Variants in SACS observed in about 807,000 individuals in gnomAD.
SACS encodes sacsin.
In SACS, 197 loss-of-function variants were observed where a neutral mutation model predicts 348.0. The observed-to-expected ratio is 0.57, with a 90% CI of 0.50 to 0.64. The LOEUF is 0.64. Ranked by LOEUF, SACS falls within the 30% of genes least tolerant of loss-of-function variation. The probability of loss-of-function intolerance (pLI) is 0.00; values close to 1 mark genes in which losing one functional copy is unlikely to be tolerated. For missense variants in SACS, 4,999 were observed against 5,360.8 expected (o/e 0.93, Z 2.11); for synonymous variants, 1,985 against 1,910.6 (o/e 1.04, Z -1.02).
At chr13:23,427,465 T>G (rs7998371) in intron 1 of SACS, 1 of 152,216 alleles carries the variant, frequency 6.6e-6, no homozygotes, top group Non-Finnish European at 1.5e-5. Context: ...TTTTGGCATA[T>G]GGGCTTGACC....
chr13:23,422,864 A>G (rs1457850232), intron 1 of SACS, among the ~76,000 whole-genome samples: 1 of 152,162 alleles, frequency 6.6e-6, no homozygotes, highest in Non-Finnish European at 1.5e-5. Flanking sequence ...AACCAATGAC[A>G]TTTCAGACAT....
intron 1 of SACS, among the ~76,000 whole-genome samples, chr13:23,424,757 A>T (rs1874100348): frequency 6.6e-6 from 1 of 152,186 alleles, no homozygotes; most frequent in Non-Finnish European, 1.5e-5. Context: ...AACGTCCAGT[A>T]CTAATAACGA....
intron 7 of SACS, among the ~76,000 whole-genome samples, chr13:23,356,950 T>C (rs1488292609): frequency 3.3e-5 from 5 of 152,274 alleles, no homozygotes; most frequent in Admixed American, 3.3e-4. Flanking sequence ...GACAGTGGGG[T>C]CTAGGGAATG....
At position 23,353,794 on chromosome 13, in the gene SACS, G is replaced by T. The variant is rs1289055030; in HGVS notation, c.2176C>A (p.Gln726Lys). 6.9e-6 allele frequency: 11 copies of T among 1,583,118 alleles called. No individual in the cohort carries two copies. In the African/African-American group the frequency reaches 1.5e-4, roughly 21 times the overall value. Residue 726 changes from glutamine (Q) to lysine (K), a missense_variant, in exon 9 of 10, where the codon CAA (glutamine) becomes AAA (lysine). Physicochemically the swap from Gln to Lys is moderately conservative, Grantham distance 53 (BLOSUM62 1). Transcript: ENST00000382292. ...TACTAAACTATAATACCTCGGGTTT[G>T]GGCAGCTTCCTTTAAAGCAGCCACA... The part of the protein sequence containing the change: ...HLVAALKEAA[Q>K]TRGRPCTQLQ...
Position 23,367,472 on chromosome 13 carries a change from A to G in SACS, c.345+930T>C, listed in dbSNP as rs566720293. ...AACAAGCTAATGGGAAGGAAAATGC[A>G]TAACAACTGGTCTACTTTGACAATT... On this transcript the variant is annotated intron_variant, in intron 5 of 9. Transcript: ENST00000382292. Among the ~76,000 whole-genome samples, 19 of 152,374 alleles carry G rather than the reference A, an allele frequency of 1.2e-4. No individual in the cohort carries two copies. In the East Asian group the frequency reaches 2.3e-3, roughly 19 times the overall value.
intron 2 of SACS, among the ~76,000 whole-genome samples, chr13:23,409,369 T>G (rs1367381885): frequency 6.8e-6 from 1 of 146,408 alleles, no homozygotes; most frequent in Non-Finnish European, 1.5e-5. Flanking sequence ...TTTTTTTTTT[T>G]TTTTTAAACA....
chr13:23,362,745 A>C, intron 6 of SACS, among the ~76,000 whole-genome samples: 1 of 149,428 alleles, frequency 6.7e-6, no homozygotes, highest in East Asian at 2.0e-4. Context: ...ATCACCACGC[A>C]CGGCTAATTT....
intron 2 of SACS, among the ~76,000 whole-genome samples, chr13:23,397,162 T>A (rs2137915232): frequency 6.6e-6 from 1 of 151,756 alleles, no homozygotes; most frequent in East Asian, 1.9e-4. Flanking sequence ...TAAAAAAAGG[T>A]TGGTAATGGT....
rs1417936142 is a variant in SACS at position 23,340,615 on chromosome 13, T to G, written c.3261A>C (p.Leu1087Phe). The change falls in exon 10 of 10, where the codon TTA becomes TTC. Residue 1087 changes from leucine to phenylalanine, a missense_variant. Coordinates refer to ENST00000382292, the MANE Select transcript of SACS (RefSeq NM_014363.6). ...VFTSPDILHS[L>F]RQIGLKNEAS... ...CTTCGTTTTTTAAACCAATCTGTCT[T>G]AAGGAGTGAAGAATATCTGGTGAGG... 5.0e-6 allele frequency: 8 copies of G among 1,611,552 alleles called. No homozygotes were observed. The highest frequency in any genetic ancestry group is 6.8e-6 in the Non-Finnish European group (8 of 1,179,502).
chr13:23,414,601 A>G (rs1420129500), intron 1 of SACS, among the ~76,000 whole-genome samples: 2 of 152,354 alleles, frequency 1.3e-5, no homozygotes, highest in Admixed American at 1.3e-4. Flanking sequence ...AATTAACTTC[A>G]TATCACCAGG....
chr13:23,373,797 C>CAA (rs35129279), intron 3 of SACS: 11,332 of 120,848 alleles, frequency 0.094, 802 homozygotes, highest in African/African-American at 0.17. Context: ...CTCCGTCTCA[C>CAA]AAAAAAAAAA....
chr13:23,343,919 T>TC (rs1311490240), intron 9 of SACS, among the ~76,000 whole-genome samples: 69 of 152,302 alleles, frequency 4.5e-4, no homozygotes, highest in East Asian at 3.9e-4. Context: ...AGGGCACACT[T>TC]TTGCAACTTT....
rs1332735059 is a variant in SACS at position 23,338,842 on chromosome 13, G to A, written c.5034C>T (p.Leu1678=). Residue 1678 remains leucine, a synonymous_variant, in exon 10 of 10, where the codon CTC becomes CTT. Coordinates refer to ENST00000382292, the MANE Select transcript of SACS (RefSeq NM_014363.6). ...TGAAAATGATAAGCCTGTGTCCACA[G>A]AGACTAAATTCATCCACAAGAGAAT... ...DIYSLVDEFS[L]CGHRLIIFTQ... The A allele has an allele frequency of 1.2e-6, 2 of 1,612,740 alleles. No individual in the cohort carries two copies. The highest frequency in any genetic ancestry group is 1.3e-5 in the African/African-American group (1 of 74,908).
At chr13:23,408,531 C>T (rs1211398806) in intron 2 of SACS, among the ~76,000 whole-genome samples, 2 of 152,206 alleles carry the variant, frequency 1.3e-5, no homozygotes, top group Non-Finnish European at 2.9e-5. Flanking sequence ...AATTTAACTG[C>T]TTTTCCCACA....
intron 2 of SACS, among the ~76,000 whole-genome samples, chr13:23,403,101 C>T (rs1873052847): frequency 6.6e-6 from 1 of 151,138 alleles, no homozygotes; most frequent in African/African-American, 2.4e-5. Flanking sequence ...TCGCTTGAAC[C>T]CAGAAGGTGG....
chr13:23,376,589 G>C (rs1871816572), intron 2 of SACS, among the ~76,000 whole-genome samples: 1 of 152,148 alleles, frequency 6.6e-6, no homozygotes, highest in Non-Finnish European at 1.5e-5. Context: ...AGTAAATACA[G>C]AGAATGTTCT....
chr13:23,404,328 A>G (rs959058403), intron 2 of SACS, among the ~76,000 whole-genome samples: 1 of 152,230 alleles, frequency 6.6e-6, no homozygotes, highest in African/African-American at 2.4e-5. Flanking sequence ...AAACCACGTG[A>G]TTATCTCAAT....
chr13:23,361,655 T>TA (rs1870740502), intron 6 of SACS, among the ~76,000 whole-genome samples: 4 of 152,034 alleles, frequency 2.6e-5, no homozygotes, highest in Admixed American at 1.3e-4. Context: ...CAGAAGCCTA[T>TA]AATCCGAGCT....
intron 2 of SACS, among the ~76,000 whole-genome samples, chr13:23,400,716 G>T (rs996959048): frequency 6.6e-6 from 1 of 152,130 alleles, no homozygotes; most frequent in South Asian, 2.1e-4. Context: ...CACCGCGCCC[G>T]GCCAGTCACT....
Sources: gnomAD v4.1 joint callset for allele counts (sites outside exome capture counted in the v4.1 genomes callset) on GRCh38, gnomAD v4.1.1 for gene constraint, MANE v1.5 for transcripts, NCBI Gene and HGNC (gene_info 2026-07-23, HGNC 2026-07-21) for gene names.